Variants in LYRM7 observed in about 807,000 individuals in gnomAD.
LYRM7 encodes the protein LYR motif containing 7.
LYRM7 carries 9 observed loss-of-function variants against 15.8 expected under a neutral mutation model. The ratio of observed to expected loss-of-function variants is 0.57; its 90% CI spans 0.34 to 0.99. The LOEUF (loss-of-function observed/expected upper bound fraction) is 0.99. Among genes scored for constraint, LYRM7 ranks in the 50% least tolerant of loss-of-function variants. The probability of loss-of-function intolerance (pLI) is 0.02; values close to 1 mark genes in which losing one functional copy is unlikely to be tolerated. For synonymous variants in LYRM7, 39 were observed against 39.4 expected (o/e 0.99, Z 0.04); for missense variants, 115 against 119.1 (o/e 0.97, Z 0.16).
Position 131,188,020 on chromosome 5 carries a change from G to A in LYRM7, c.244+911G>A, listed in dbSNP as rs149417187. On this transcript the variant is annotated intron_variant, in intron 4 of 4. Coordinates refer to ENST00000379380, the MANE Select transcript of LYRM7 (RefSeq NM_181705.4). The stretch of plus-strand genomic sequence containing the variant: ...TCCTGTAATCCCAGCACTTTGGGAG[G>A]CCAAGGCAGGAGTCTAGATTGAGCC... Among the ~76,000 whole-genome samples the A allele has an allele frequency of 3.9e-4, 60 of 152,114 alleles. 1 individual carries two copies. Among genetic ancestry groups the A allele is most frequent in the African/African-American group, 1.4e-3 (59 of 41,494 alleles).
intron 1 of LYRM7, among the ~76,000 whole-genome samples, chr5:131,178,296 T>TA (rs1755632052): frequency 6.6e-6 from 1 of 152,146 alleles, no homozygotes; most frequent in African/African-American, 2.4e-5. Flanking sequence ...GTAAGTAGTC[T>TA]AAGAGATGGG....
intron 1 of LYRM7, among the ~76,000 whole-genome samples, chr5:131,173,979 T>C (rs1469317761): frequency 6.6e-6 from 1 of 152,218 alleles, no homozygotes; most frequent in Non-Finnish European, 1.5e-5. Flanking sequence ...ATTGATTGAC[T>C]CTTTCACACA....
chr5:131,198,181 GTA>G (rs1756000467), intron 4 of LYRM7, among the ~76,000 whole-genome samples: 1 of 152,094 alleles, frequency 6.6e-6, no homozygotes, highest in African/African-American at 2.4e-5. Context: ...ACTTCAGTGT[GTA>G]TTTCCTAAAT....
In LYRM7 at chr5:131,180,095, G is replaced by C; in HGVS notation, c.19G>C (p.Val7Leu). Reference protein sequence around the residue: MGRAVKVLQLFKTLHRT... With the variant: MGRAVKLLQLFKTLHRT... ...CCTTGAATTCTGATTTTCTTAACAG[G>C]TTTTACAGCTCTTTAAAACACTGCA... The change falls in exon 2 of 5, where the codon GTT becomes CTT. Residue 7 changes from valine (V) to leucine (L), a missense_variant and splice_region_variant. Val to Leu is a conservative substitution (Grantham distance 32). Transcript: ENST00000379380. 6.2e-7 allele frequency: 1 copy of C among 1,608,944 alleles called. No homozygotes were observed.
rs181173476 is a variant in LYRM7, at chr5:131,199,138, T to A, written c.245-393T>A. On this transcript the variant is annotated intron_variant, in intron 4 of 4. Transcript: ENST00000379380. Reference sequence around the variant, plus strand: ...TTAAGAACAATTGTTATTTAAAATTTAGAATCTTTAAATTAGGAGACCAGT... The same window carrying A: ...TTAAGAACAATTGTTATTTAAAATTAAGAATCTTTAAATTAGGAGACCAGT... Among the ~76,000 whole-genome samples the A allele has an allele frequency of 1.2e-3, 187 of 152,352 alleles. 1 individual carries two copies. The highest frequency in any genetic ancestry group is 4.3e-3 in the African/African-American group (179 of 41,584).
intron 4 of LYRM7, among the ~76,000 whole-genome samples, 164 bp downstream of exon 4, chr5:131,187,273 T>C (rs2149663252): frequency 1.3e-5 from 2 of 152,374 alleles, no homozygotes; most frequent in South Asian, 4.1e-4. Flanking sequence ...GACTGAATTA[T>C]GAAACTTTGT....
intron 2 of LYRM7, among the ~76,000 whole-genome samples, chr5:131,181,316 TACACACACACACAC>T (rs1554089874): frequency 8.0e-4 from 22 of 27,638 alleles, no homozygotes; most frequent in Middle Eastern, 0.024. Flanking sequence ...TATATATATA[TACACACACACACAC>T]ATATATATAA....
intron 2 of LYRM7, 45 bp downstream of exon 2, chr5:131,180,212 T>C (rs1755669574): frequency 1.5e-6 from 2 of 1,338,598 alleles, no homozygotes; most frequent in Non-Finnish European, 2.1e-6. Context: ...ACTTTTTAGA[T>C]AACTACTAAT....
chr5:131,187,894 C>T (rs1755822715), intron 4 of LYRM7, among the ~76,000 whole-genome samples: 1 of 152,148 alleles, frequency 6.6e-6, no homozygotes. Flanking sequence ...AGCAAAATCT[C>T]ATTTCACATA....
intron 4 of LYRM7, among the ~76,000 whole-genome samples, chr5:131,188,266 A>G (rs1291920241): frequency 6.6e-6 from 1 of 152,096 alleles, no homozygotes; most frequent in Non-Finnish European, 1.5e-5. Flanking sequence ...CAAAAAATAT[A>G]TATATTGAAA....
intron 4 of LYRM7, among the ~76,000 whole-genome samples, chr5:131,191,965 C>T (rs1755891973): frequency 6.6e-6 from 1 of 150,966 alleles, no homozygotes; most frequent in South Asian, 2.1e-4. Context: ...TGGCACTATT[C>T]ACAATAACCA....
At chr5:131,175,720 A>T (rs988018893) in intron 1 of LYRM7, among the ~76,000 whole-genome samples, 2 of 149,686 alleles carry the variant, frequency 1.3e-5, no homozygotes, top group Non-Finnish European at 2.9e-5. Context: ...TTTTTTGTAG[A>T]TACAGGGTTT....
chr5:131,197,703 A>G (rs753940520), intron 4 of LYRM7, among the ~76,000 whole-genome samples: 1 of 151,504 alleles, frequency 6.6e-6, no homozygotes, highest in African/African-American at 2.4e-5. Flanking sequence ...CACCATGCCT[A>G]GCTAATTTTT....
At chr5:131,189,444 CAAAAAA>C (rs71000976) in intron 4 of LYRM7, among the ~76,000 whole-genome samples, 4,975 of 45,758 alleles carry the variant, frequency 0.11, 81 homozygotes, top group African/African-American at 0.25. Context: ...CTCCGTCTCC[CAAAAAA>C]AAAAAAAAAA....
chr5:131,193,837 T>C (rs1157516015), intron 4 of LYRM7, among the ~76,000 whole-genome samples: 1 of 151,996 alleles, frequency 6.6e-6, no homozygotes, highest in Non-Finnish European at 1.5e-5. Context: ...TGGAGAAACC[T>C]CATCTCTACT....
Position 131,180,140 on chromosome 5 carries a change from T to C in LYRM7, c.64T>C (p.Phe22Leu). 6.2e-7 allele frequency: 1 copy of C among 1,612,758 alleles called. No homozygotes were observed. The highest frequency in any genetic ancestry group is 8.5e-7 in the Non-Finnish European group (1 of 1,178,962). The change falls in exon 2 of 5, where the codon TTT becomes CTT. Residue 22 changes from phenylalanine (F) to leucine (L), a missense_variant. Coordinates refer to ENST00000379380, the MANE Select transcript of LYRM7 (RefSeq NM_181705.4). ...ACTGCACAGGACCAGACAACAAGTT[T>C]TTAAAAATGATGCCAGAGCATTAGA... ...KTLHRTRQQVFKNDARALEAA... is the reference protein window; with the variant it reads ...KTLHRTRQQVLKNDARALEAA...
chr5:131,182,214 T>G lies in LYRM7; in HGVS notation c.92-15T>G, dbSNP rs771310136. The G allele has an allele frequency of 1.4e-5, 20 of 1,409,588 alleles. No homozygotes were observed. Among genetic ancestry groups the G allele is most frequent in the South Asian group, 6.4e-5 (5 of 78,048 alleles). 87.3% of individuals were successfully genotyped at this position (1,409,588 alleles called of 1,614,324 possible). On this transcript the variant is annotated splice_polypyrimidine_tract_variant and intron_variant, in intron 2 of 4. Coordinates refer to ENST00000379380, the MANE Select transcript of LYRM7 (RefSeq NM_181705.4). ...TTACAAAAGCGAATAACTATATGTA[T>G]TTTTCTCTTTGTAGCAGCCAGAATA...
chr5:131,181,275 GAAAA>G (rs1195878324), intron 2 of LYRM7, among the ~76,000 whole-genome samples: 2 of 8,340 alleles, frequency 2.4e-4, no homozygotes, highest in Non-Finnish European at 2.8e-4. Context: ...GACTCCATCT[GAAAA>G]AAAAAAAAAA....
Position 131,202,578 on chromosome 5 carries a change from C to A in LYRM7, c.*2977C>A. ...TGCAGTAGCTATTCATAGGCACAGT[C>A]ATAGCACACTGCAGCCTAGAATTTC... On this transcript the variant is annotated 3_prime_UTR_variant, in exon 5 of 5. Transcript: ENST00000379380. The A allele has an allele frequency of 1.3e-5, 2 of 152,952 alleles. No homozygotes were observed. The highest frequency in any genetic ancestry group is 3.7e-4 in the South Asian group (2 of 5,430). 9.5% of individuals were successfully genotyped at this position (152,952 alleles called of 1,614,324 possible).
Sources: allele counts gnomAD v4.1 joint callset (sites outside exome capture counted in the v4.1 genomes callset), GRCh38; gene constraint gnomAD v4.1.1; transcripts MANE v1.5; gene names NCBI Gene and HGNC (gene_info 2026-07-23, HGNC 2026-07-21).